The following GRIK3 variants were observed in gnomAD, a reference collection of about 807,000 sequenced individuals.
GRIK3 encodes glutamate ionotropic receptor kainate type subunit 3.
GRIK3 carries 29 observed loss-of-function variants against 102.5 expected under a neutral mutation model. That is an observed-to-expected ratio of 0.28 (90% confidence interval 0.21 to 0.39). The LOEUF (loss-of-function observed/expected upper bound fraction) is 0.39. GRIK3 is among the 10% of genes least tolerant of loss of function. The probability of loss-of-function intolerance (pLI) is 1.00; values close to 1 mark genes in which losing one functional copy is unlikely to be tolerated. For synonymous variants in GRIK3, 511 were observed against 504.9 expected, an observed-to-expected ratio of 1.01 and a Z score of -0.16; for missense variants, 908 against 1,252.4, an observed-to-expected ratio of 0.73 and a Z score of 4.15.
At chr1:36,949,620 G>T (rs1421832645) in intron 1 of GRIK3, among the ~76,000 whole-genome samples, 6 of 133,246 alleles carry the variant, frequency 4.5e-5, no homozygotes, top group Admixed American at 4.3e-4. Context: ...GTTGCCCCAG[G>T]CTGGAGTGCA....
At position 37,033,979 on chromosome 1, in the gene GRIK3, C is replaced by G. The variant is rs1642858928; in HGVS notation, c.115+15G>C. The G allele has an allele frequency of 1.3e-6, 2 of 1,512,880 alleles. No homozygotes were observed. The highest frequency in any genetic ancestry group is 1.8e-6 in the Non-Finnish European group (2 of 1,105,554). The allele number at this position is 1,512,880 out of a possible 1,614,324, so 93.7% of individuals were successfully genotyped here. On this transcript the variant is annotated intron_variant, in intron 1 of 15. Coordinates refer to ENST00000373091, the MANE Select transcript of GRIK3 (RefSeq NM_000831.4). ...CCCGGGCGCACGGAGACCCCCGGCT[C>G]CAGGGAGCGCTTACCGATCCGGATG...
intron 2 of GRIK3, among the ~76,000 whole-genome samples, chr1:36,886,571 T>A (rs1467977856): frequency 6.6e-6 from 1 of 152,162 alleles, no homozygotes. Context: ...GTGTTGCCAG[T>A]CATAGCAGAG....
chr1:37,021,239 G>A (rs543414483), intron 1 of GRIK3, among the ~76,000 whole-genome samples: 1 of 151,858 alleles, frequency 6.6e-6, no homozygotes, highest in South Asian at 2.1e-4. Context: ...GCTCACCAAG[G>A]GACATGACAC....
chr1:37,032,028 C>G lies in GRIK3; in HGVS notation c.115+1966G>C, dbSNP rs528699791. On this transcript the variant is annotated intron_variant, in intron 1 of 15. Coordinates refer to ENST00000373091, the MANE Select transcript of GRIK3 (RefSeq NM_000831.4). ...GGCTCTTGGATATAAATGACCTGGG[C>G]TGACACGCTAATTAATCCTGGGGCT... Among the ~76,000 whole-genome samples, 24 of 152,306 alleles carry G rather than the reference C, an allele frequency of 1.6e-4. No individual in the cohort carries two copies. The East Asian group carries it at 4.6e-3, about 29-fold the overall frequency.
rs72917556 is a variant in GRIK3, at chr1:36,920,816, G to C, written c.116-29720C>G. Among the ~76,000 whole-genome samples, 1,144 of 152,342 alleles carry C rather than the reference G, an allele frequency of 7.5e-3. 14 individuals carry two copies. The highest frequency in any genetic ancestry group is 0.026 in the African/African-American group (1,081 of 41,582). ...ACTGCTTTCCTGATAATGGTTGGGG[G>C]AGTGAGCTGATGGGCAAAAAGAGGC... On this transcript the variant is annotated intron_variant, in intron 1 of 15. Coordinates refer to ENST00000373091, the MANE Select transcript of GRIK3 (RefSeq NM_000831.4).
At chr1:36,902,568 A>T (rs1250616218) in intron 1 of GRIK3, among the ~76,000 whole-genome samples, 1 of 152,226 alleles carries the variant, frequency 6.6e-6, no homozygotes, top group Non-Finnish European at 1.5e-5. Context: ...ACCCTTCACA[A>T]AAATGAACTC....
At chr1:37,014,104 G>T (rs1642627122) in intron 1 of GRIK3, among the ~76,000 whole-genome samples, 2 of 152,232 alleles carry the variant, frequency 1.3e-5, no homozygotes, top group African/African-American at 4.8e-5. Context: ...CACCTCTCCA[G>T]AGAGGCCCTT....
chr1:36,900,539 A>T (rs751972304), intron 1 of GRIK3, among the ~76,000 whole-genome samples: 20 of 152,364 alleles, frequency 1.3e-4, no homozygotes, highest in Admixed American at 3.9e-4. Context: ...AATTTGTGGG[A>T]TGTAGTGAAA....
At chr1:36,989,248 G>C (rs1642339531) in intron 1 of GRIK3, among the ~76,000 whole-genome samples, 1 of 152,170 alleles carries the variant, frequency 6.6e-6, no homozygotes, top group Non-Finnish European at 1.5e-5. Context: ...CAAGAAAGGT[G>C]GCTGGGGTCA....
chr1:36,864,455 G>T (rs1224074594), intron 5 of GRIK3, among the ~76,000 whole-genome samples: 1 of 152,188 alleles, frequency 6.6e-6, no homozygotes, highest in African/African-American at 2.4e-5. Flanking sequence ...GATATCTAAG[G>T]CTTGAAAGAT....
rs1297807192 is a variant in GRIK3 at position 36,959,333 on chromosome 1, C to T, written c.116-68237G>A. Among the ~76,000 whole-genome samples, 4 of 129,260 alleles carry T rather than the reference C, an allele frequency of 3.1e-5. 1 individual carries two copies. The highest frequency in any genetic ancestry group is 3.4e-5 in the Non-Finnish European group (2 of 58,612). 84.8% of individuals were successfully genotyped at this position (129,260 alleles called of 152,430 possible). On this transcript the variant is annotated intron_variant, in intron 1 of 15. Transcript: ENST00000373091. ...TCTGTGCCCCATGACTCTGTGTGCC[C>T]GGTGAGCCTGTGTGTCCCGTGAGCC...
At chr1:36,920,592 G>T (rs760573700) in intron 1 of GRIK3, among the ~76,000 whole-genome samples, 1 of 152,154 alleles carries the variant, frequency 6.6e-6, no homozygotes, top group Non-Finnish European at 1.5e-5. Flanking sequence ...CTGGCCTCTT[G>T]TGTCCACCTG....
intron 1 of GRIK3, among the ~76,000 whole-genome samples, chr1:37,032,194 A>T (rs557108509): frequency 6.6e-6 from 1 of 152,186 alleles, no homozygotes; most frequent in East Asian, 1.9e-4. Flanking sequence ...ATTCAATTTC[A>T]CAGTAAGGAT....
At chr1:36,866,844 C>T (rs1464318051) in intron 5 of GRIK3, among the ~76,000 whole-genome samples, 6 of 152,202 alleles carry the variant, frequency 3.9e-5, no homozygotes, top group South Asian at 2.1e-4. Flanking sequence ...GTCATCCATC[C>T]GTCCATCCAT....
At chr1:36,820,392 A>G (rs1158683613) in intron 11 of GRIK3, among the ~76,000 whole-genome samples, 1 of 152,268 alleles carries the variant, frequency 6.6e-6, no homozygotes, top group Non-Finnish European at 1.5e-5. Flanking sequence ...TAAAAGCAAT[A>G]GAAAATAAGA....
chr1:36,910,964 G>A (rs1428613592), intron 1 of GRIK3, among the ~76,000 whole-genome samples: 1 of 152,162 alleles, frequency 6.6e-6, no homozygotes, highest in Non-Finnish European at 1.5e-5. Flanking sequence ...AAACACTGGG[G>A]AGACTCAGAG....
intron 1 of GRIK3, among the ~76,000 whole-genome samples, chr1:36,944,695 C>T (rs1641763364): frequency 6.6e-6 from 1 of 152,126 alleles, no homozygotes; most frequent in East Asian, 1.9e-4. Context: ...TGTGATCTCC[C>T]AAGGCCACTG....
At chr1:36,808,995 C>T (rs2124180733) in intron 13 of GRIK3, among the ~76,000 whole-genome samples, 1 of 152,296 alleles carries the variant, frequency 6.6e-6, no homozygotes, top group South Asian at 2.1e-4. Context: ...ACTTTTCTCC[C>T]TCCAGTGATT....
rs891055248 is a variant in GRIK3, at chr1:36,976,352, T to C, written c.115+57642A>G. 3.3e-5 allele frequency among the ~76,000 whole-genome samples: 5 copies of C among 151,120 alleles called. No individual in the cohort carries two copies. The South Asian group carries it at 6.2e-4, about 19-fold the overall frequency. On this transcript the variant is annotated intron_variant, in intron 1 of 15. Transcript: ENST00000373091. ...GACTTCTTACATTCTATGCAACTTA[T>C]TATATGAATGTGCATTTTTTTTCGG...
Sources: allele counts gnomAD v4.1 joint callset (sites outside exome capture counted in the v4.1 genomes callset), GRCh38; gene constraint gnomAD v4.1.1; transcripts MANE v1.5; gene names NCBI Gene and HGNC (gene_info 2026-07-23, HGNC 2026-07-21).